The following GLB1L2 variants were observed in gnomAD, a reference collection of about 807,000 sequenced individuals.
The protein encoded by GLB1L2 is beta-galactosidase-1-like protein 2.
GLB1L2 carries 68 observed loss-of-function variants against 84.1 expected under a neutral mutation model. The observed-to-expected ratio is 0.81, with a 90% CI of 0.67 to 0.99. GLB1L2 has a LOEUF of 0.99. GLB1L2 is among the 50% of genes least tolerant of loss of function. GLB1L2 has a pLI of 0.00. For synonymous variants in GLB1L2, 290 were observed against 318.0 expected (o/e 0.91, Z 0.94); for missense variants, 762 against 805.6 (o/e 0.95, Z 0.66).
At chr11:134,358,956 C>T in intron 6 of GLB1L2, 104 bp from the exon 7 acceptor site, 1 of 757,658 alleles carries the variant, frequency 1.3e-6, no homozygotes, top group South Asian at 2.0e-5. Flanking sequence ...CTTTATTTGT[C>T]ATCTCTCCTT....
intron 2 of GLB1L2, among the ~76,000 whole-genome samples, chr11:134,343,797 C>T (rs1305666512): frequency 6.6e-6 from 1 of 152,214 alleles, no homozygotes; most frequent in South Asian, 2.1e-4. Context: ...GGGTTGGAAG[C>T]CAGGCAGGCT....
rs1376993492 is a variant in GLB1L2, at chr11:134,374,216, C to G, written c.1667C>G (p.Ser556Cys). The change falls in exon 17 of 19, where the codon TCC (serine) becomes TGC (cysteine). Residue 556 changes from serine (S) to cysteine (C), a missense_variant. Transcript: ENST00000535456. ...CCTGCTTTCTTCTTGGGTAGCTTGT[C>G]CATCAGCTCCACCCCTTGTGACACC... Reference protein sequence around the residue: ...TLPAFFLGSLSISSTPCDTFL... With the variant: ...TLPAFFLGSLCISSTPCDTFL... 1.2e-6 allele frequency: 2 copies of G among 1,613,918 alleles called. No homozygotes were observed. The highest frequency in any genetic ancestry group is 8.5e-7 in the Non-Finnish European group (1 of 1,179,778).
chr11:134,357,757 G>A (rs1212022457), intron 6 of GLB1L2, among the ~76,000 whole-genome samples: 1 of 152,258 alleles, frequency 6.6e-6, no homozygotes, highest in Non-Finnish European at 1.5e-5. Context: ...AAGCTCTTGG[G>A]AGAATTCACC....
intron 9 of GLB1L2, 75 bp downstream of exon 9, chr11:134,367,416 CTAATG>C: frequency 7.9e-7 from 1 of 1,269,932 alleles, no homozygotes; most frequent in Non-Finnish European, 1.1e-6. Context: ...CACCTGCTAA[CTAATG>C]TAAGCCATAG....
At chr11:134,365,498 G>A (rs4937877) in intron 8 of GLB1L2, among the ~76,000 whole-genome samples, 105,556 of 152,134 alleles carry the variant, frequency 0.69, 36,962 homozygotes, top group East Asian at 0.92. Context: ...CTCTCTGTGC[G>A]TCTCTCTTCT....
chr11:134,374,064 T>A, intron 16 of GLB1L2, 81 bp from the exon 17 acceptor site: 1 of 1,042,386 alleles, frequency 9.6e-7, no homozygotes. Context: ...GGAAACGGTG[T>A]CAGGGCCTTT....
In GLB1L2 at chr11:134,359,047, A is replaced by G; in HGVS notation, c.652-13A>G. On this transcript the variant is annotated splice_polypyrimidine_tract_variant and intron_variant, in intron 6 of 18. Coordinates refer to ENST00000535456, the MANE Select transcript of GLB1L2 (RefSeq NM_001370461.1). ...GCCAGGGCAGACGAGGGCTTGTCTC[A>G]TTTCCCCCACAGGCACTGGAGGACC... is the stretch of plus-strand genomic sequence containing the variant. 1 of 1,573,038 alleles carries G rather than the reference A, an allele frequency of 6.4e-7. No homozygotes were observed. Among genetic ancestry groups the G allele is most frequent in the Non-Finnish European group, 8.6e-7 (1 of 1,159,038 alleles).
At chr11:134,371,695 T>A in intron 14 of GLB1L2, 57 bp from the exon 15 acceptor site, 1 of 1,572,270 alleles carries the variant, frequency 6.4e-7, no homozygotes, top group Non-Finnish European at 8.7e-7. Context: ...CACAAGCAAA[T>A]TCTGAGGGGC....
At chr11:134,373,065 C>T (rs910415807) in intron 15 of GLB1L2, among the ~76,000 whole-genome samples, 6 of 152,176 alleles carry the variant, frequency 3.9e-5, no homozygotes, top group African/African-American at 7.2e-5. Flanking sequence ...GAGAAATGCG[C>T]GTGCCCACAT....
chr11:134,356,502 ACAT>A (rs1350528765), intron 6 of GLB1L2, 109 bp downstream of exon 6: 25 of 711,876 alleles, frequency 3.5e-5, no homozygotes, highest in Non-Finnish European at 4.4e-5. Flanking sequence ...ACATCCTCCA[ACAT>A]CATGTATTAG....
chr11:134,342,217 C>T (rs1436981311), intron 1 of GLB1L2, among the ~76,000 whole-genome samples: 1 of 152,108 alleles, frequency 6.6e-6, no homozygotes, highest in Non-Finnish European at 1.5e-5. Flanking sequence ...GGGGACTCTG[C>T]TCTAGCTGGG....
chr11:134,369,404 A>AG (rs1943909863), intron 10 of GLB1L2, among the ~76,000 whole-genome samples: 1 of 151,874 alleles, frequency 6.6e-6, no homozygotes, highest in Non-Finnish European at 1.5e-5. Context: ...TATGTTGCCC[A>AG]GGCTGGTCTG....
At chr11:134,354,586 T>C (rs1455656984) in intron 5 of GLB1L2, among the ~76,000 whole-genome samples, 1 of 152,134 alleles carries the variant, frequency 6.6e-6, no homozygotes, top group Non-Finnish European at 1.5e-5. Context: ...AGCTTTACTT[T>C]GGGAATTTCT....
At chr11:134,368,036 C>T (rs897737771) in intron 9 of GLB1L2, among the ~76,000 whole-genome samples, 19 of 152,328 alleles carry the variant, frequency 1.2e-4, no homozygotes, top group Non-Finnish European at 1.9e-4. Flanking sequence ...CCCGGAAAGA[C>T]GGCAGCTTCA....
chr11:134,354,757 C>A (rs7935729), intron 5 of GLB1L2, among the ~76,000 whole-genome samples: 10,458 of 152,156 alleles, frequency 0.069, 893 homozygotes, highest in East Asian at 0.32. Context: ...GATCCCTTGC[C>A]TGTGACCAAA....
intron 3 of GLB1L2, among the ~76,000 whole-genome samples, chr11:134,344,729 CCG>C (rs1943522540): frequency 2.0e-5 from 3 of 151,974 alleles, no homozygotes; most frequent in African/African-American, 4.8e-5. Flanking sequence ...TGGGGTCCGG[CCG>C]CTGGGCTGGG....
chr11:134,354,330 T>C (rs2136275167), intron 5 of GLB1L2, among the ~76,000 whole-genome samples: 1 of 152,308 alleles, frequency 6.6e-6, no homozygotes, highest in South Asian at 2.1e-4. Context: ...TCACAAATTA[T>C]GTCTTCATAT....
At chr11:134,371,944 G>A (rs1943959739) in intron 15 of GLB1L2, 114 bp downstream of exon 15, 7 of 1,007,494 alleles carry the variant, frequency 6.9e-6, no homozygotes, top group Non-Finnish European at 9.1e-6. Flanking sequence ...GGGAGGTGGA[G>A]GCTGGGTTGT....
At chr11:134,361,210 C>G (rs1210632719) in intron 7 of GLB1L2, 1 of 152,252 alleles carries the variant, frequency 6.6e-6, no homozygotes, top group Non-Finnish European at 1.5e-5. Flanking sequence ...CCTGTAATCC[C>G]AGCTACTTGG....
Sources: allele counts gnomAD v4.1 joint callset (sites outside exome capture counted in the v4.1 genomes callset), GRCh38; gene constraint gnomAD v4.1.1; transcripts MANE v1.5; gene names NCBI Gene and HGNC (gene_info 2026-07-23, HGNC 2026-07-21).